CDC42SE2: variants seen among roughly 807,000 people sequenced by gnomAD.
CDC42SE2 encodes the protein CDC42 small effector 2, also known as CDC42 small effector protein 2.
CDC42SE2 carries 3 observed loss-of-function variants against 11.5 expected under a neutral mutation model. That is an observed-to-expected ratio of 0.26 (90% confidence interval 0.12 to 0.67). The LOEUF (loss-of-function observed/expected upper bound fraction) is 0.67. Ranked by LOEUF, CDC42SE2 falls within the 30% of genes least tolerant of loss-of-function variation. CDC42SE2 has a pLI of 0.80. For synonymous variants in CDC42SE2, 33 were observed against 34.8 expected, an observed-to-expected ratio of 0.95 and a Z score of 0.18; for missense variants, 82 against 106.8, an observed-to-expected ratio of 0.77 and a Z score of 1.02.
At chr5:131,260,696 G>A (rs1376410190), upstream of CDC42SE2, among the ~76,000 whole-genome samples, 3 of 151,828 alleles carry the variant, frequency 2.0e-5, no homozygotes, top group Non-Finnish European at 4.4e-5. Flanking sequence ...TACTTTGGGA[G>A]GCCGAGGCAG....
intron 3 of CDC42SE2, 120 bp downstream of exon 3, chr5:131,359,667 GAATA>G: frequency 1.3e-6 from 1 of 765,828 alleles, no homozygotes. Context: ...ATACCACAGA[GAATA>G]GTTCAGTGGA....
intron 2 of CDC42SE2, among the ~76,000 whole-genome samples, chr5:131,338,810 A>G (rs913197717): frequency 2.0e-5 from 3 of 152,184 alleles, no homozygotes; most frequent in African/African-American, 7.2e-5. Flanking sequence ...ATATGTACCT[A>G]CATACCAGTG....
intron 1 of CDC42SE2, among the ~76,000 whole-genome samples, chr5:131,250,118 G>C (rs1350090906): frequency 2.0e-5 from 3 of 152,120 alleles, no homozygotes; most frequent in Non-Finnish European, 1.5e-5. Flanking sequence ...CAATTCTACT[G>C]TTAGGTATAC....
intron 1 of CDC42SE2, among the ~76,000 whole-genome samples, chr5:131,264,476 A>G (rs1487526387): frequency 6.6e-6 from 1 of 150,914 alleles, no homozygotes; most frequent in East Asian, 1.9e-4. Context: ...CGCCTGATGT[A>G]AAATGGAAAG....
chr5:131,323,317 C>T (rs1758232679), intron 2 of CDC42SE2, among the ~76,000 whole-genome samples: 6 of 151,882 alleles, frequency 4.0e-5, no homozygotes, highest in Admixed American at 3.3e-4. Flanking sequence ...AGCCACTGTG[C>T]CCGACCCCCA....
intron 1 of CDC42SE2, among the ~76,000 whole-genome samples, chr5:131,305,764 C>T (rs1757766306): frequency 6.6e-6 from 1 of 151,920 alleles, no homozygotes; most frequent in Admixed American, 6.6e-5. Context: ...TGATGCAGTC[C>T]TGTTTTATTT....
chr5:131,391,063 T>C lies in CDC42SE2; in HGVS notation c.227T>C (p.Met76Thr). 1 of 1,613,070 alleles carries C rather than the reference T, an allele frequency of 6.2e-7. No homozygotes were observed. The highest frequency in any genetic ancestry group is 1.7e-5 in the Admixed American group (1 of 59,998). Residue 76 changes from methionine (M) to threonine (T), a missense_variant, in exon 5 of 5, where the codon ATG becomes ACG. Coordinates refer to ENST00000505065, the MANE Select transcript of CDC42SE2 (RefSeq NM_001375635.1). ...GGTGGAATGCCTGCCAATGTCCAGA[T>C]GCAGCTCGTGGATACGAAGGCGGGA... ...YGGGMPANVQ[M>T]QLVDTKAG is the part of the protein sequence containing the mutation.
chr5:131,324,993 A>G (rs1758266868), intron 2 of CDC42SE2, among the ~76,000 whole-genome samples: 1 of 152,192 alleles, frequency 6.6e-6, no homozygotes, highest in African/African-American at 2.4e-5. Flanking sequence ...ATGCCCTTAA[A>G]TAATAAAATT....
chr5:131,290,363 C>T (rs1468469961), intron 1 of CDC42SE2, among the ~76,000 whole-genome samples: 1 of 151,898 alleles, frequency 6.6e-6, no homozygotes, highest in Non-Finnish European at 1.5e-5. Flanking sequence ...AGCTTATCTT[C>T]TGCCTTAATT....
Position 131,330,289 on chromosome 5 carries a change from T to A in CDC42SE2, c.-286+14145T>A, listed in dbSNP as rs184887377. Reference sequence around the variant, plus strand: ...GTTCTAAGATCCAAGCCTTGTTCTGTAGTCAAACAAGTCTTACTAAGGTCA... The same window carrying A: ...GTTCTAAGATCCAAGCCTTGTTCTGAAGTCAAACAAGTCTTACTAAGGTCA... On this transcript the variant is annotated intron_variant, in intron 2 of 4. Transcript: ENST00000505065. 3.9e-5 allele frequency among the ~76,000 whole-genome samples: 6 copies of A among 152,280 alleles called. No individual in the cohort carries two copies. The East Asian group carries it at 1.2e-3, about 29-fold the overall frequency.
chr5:131,365,937 G>C (rs1749843089), intron 3 of CDC42SE2, among the ~76,000 whole-genome samples: 1 of 152,160 alleles, frequency 6.6e-6, no homozygotes, highest in Admixed American at 6.5e-5. Context: ...AGTGGAGATT[G>C]CGCCACTGCA....
chr5:131,273,938 C>T (rs527907019), intron 1 of CDC42SE2, among the ~76,000 whole-genome samples: 43 of 152,094 alleles, frequency 2.8e-4, no homozygotes, highest in African/African-American at 7.7e-4. Flanking sequence ...CCACCACATC[C>T]GGCTAGTTTT....
chr5:131,236,002 A>G, the CDC42SE2 span, among the ~76,000 whole-genome samples: 1 of 152,228 alleles, frequency 6.6e-6, no homozygotes, highest in African/African-American at 2.4e-5. Flanking sequence ...ACCGTTTTTT[A>G]TATGTGTTCA....
At chr5:131,315,119 G>T (rs139872582) in intron 1 of CDC42SE2, among the ~76,000 whole-genome samples, 3 of 152,162 alleles carry the variant, frequency 2.0e-5, no homozygotes, top group African/African-American at 7.2e-5. Context: ...AGATGACGAA[G>T]ACTGAGGAAG....
At chr5:131,377,630 A>C (rs947050592) in intron 3 of CDC42SE2, among the ~76,000 whole-genome samples, 1 of 152,186 alleles carries the variant, frequency 6.6e-6, no homozygotes. Flanking sequence ...GAGCTCAGAA[A>C]CCTGTATTTT....
In CDC42SE2 at chr5:131,346,995, G is replaced by A. The variant is rs141114899; in HGVS notation, c.-285-12214G>A. 6.7e-3 allele frequency among the ~76,000 whole-genome samples: 1,024 copies of A among 152,250 alleles called. 9 individuals are homozygous for A. The highest frequency in any genetic ancestry group is 0.023 in the African/African-American group (943 of 41,548). ...AACAAATCTCCGGGACACATTTAAA[G>A]CAGTGTGTAGAGGGAAATTTATAGC... On this transcript the variant is annotated intron_variant, in intron 2 of 4. Transcript: ENST00000505065.
upstream of CDC42SE2, chr5:131,263,653 C>T (rs1017525731): frequency 7.2e-6 from 1 of 138,720 alleles, no homozygotes; most frequent in Non-Finnish European, 1.6e-5. Flanking sequence ...CGCCTGTGCG[C>T]GTCCACCGCC....
the CDC42SE2 span, among the ~76,000 whole-genome samples, chr5:131,235,964 A>T: frequency 1.2e-4 from 19 of 152,210 alleles, no homozygotes; most frequent in Non-Finnish European, 2.5e-4. Context: ...ATAACTAACC[A>T]TCACACTTAT....
At chr5:131,381,331 T>C in intron 3 of CDC42SE2, among the ~76,000 whole-genome samples, 1 of 151,996 alleles carries the variant, frequency 6.6e-6, no homozygotes, top group Non-Finnish European at 1.5e-5. Context: ...TGTTTTTTTT[T>C]TTGTTTTTTT....
Sources: allele counts gnomAD v4.1 joint callset (sites outside exome capture counted in the v4.1 genomes callset), GRCh38; gene constraint gnomAD v4.1.1; transcripts MANE v1.5; gene names NCBI Gene and HGNC (gene_info 2026-07-23, HGNC 2026-07-21).